PPP2R2B: variants seen among roughly 807,000 people sequenced by gnomAD.
The protein encoded by PPP2R2B is serine/threonine-protein phosphatase 2A 55 kDa regulatory subunit B beta isoform.
A neutral mutation model predicts 46.0 loss-of-function variants in PPP2R2B; 5 were observed. That is an observed-to-expected ratio of 0.11 (90% CI 0.06 to 0.23). The LOEUF is 0.23. Ranked by LOEUF, PPP2R2B falls within the 10% of genes least tolerant of loss-of-function variation. The pLI is 1.00. For synonymous variants in PPP2R2B, 215 were observed against 206.7 expected (o/e 1.04, Z -0.34); for missense variants, 367 against 575.0 (o/e 0.64, Z 3.70).
intron 1 of PPP2R2B, among the ~76,000 whole-genome samples, chr5:147,034,613 C>G (rs2151893476): frequency 6.6e-6 from 1 of 152,098 alleles, no homozygotes; most frequent in South Asian, 2.1e-4. Context: ...TAATTTTTTC[C>G]CTATACCCTG....
At chr5:146,862,844 C>A (rs1455516605) in intron 2 of PPP2R2B, among the ~76,000 whole-genome samples, 1 of 136,856 alleles carries the variant, frequency 7.3e-6, no homozygotes. Flanking sequence ...AGGCAACCTG[C>A]TTGTCAAGTA....
intron 2 of PPP2R2B, among the ~76,000 whole-genome samples, chr5:146,765,337 C>T (rs1439726462): frequency 6.6e-6 from 1 of 152,200 alleles, no homozygotes; most frequent in African/African-American, 2.4e-5. Flanking sequence ...TTTTCAGAGT[C>T]ATTACCATTC....
chr5:146,799,197 A>C (rs1256252634), intron 2 of PPP2R2B, among the ~76,000 whole-genome samples: 1 of 152,240 alleles, frequency 6.6e-6, no homozygotes. Context: ...TTTTCTAGCG[A>C]TGAACATATT....
intron 1 of PPP2R2B, among the ~76,000 whole-genome samples, chr5:147,036,207 C>G (rs748928561): frequency 6.6e-6 from 1 of 152,132 alleles, no homozygotes; most frequent in South Asian, 2.1e-4. Flanking sequence ...TGTTGTTCCC[C>G]CAATGTGTCA....
chr5:146,620,740 CCT>C (rs948237199), intron 7 of PPP2R2B, among the ~76,000 whole-genome samples: 4 of 152,156 alleles, frequency 2.6e-5, no homozygotes, highest in Non-Finnish European at 5.9e-5. Context: ...CGTCTCTCCC[CCT>C]GAGATAGCAT....
chr5:147,077,788 A>G (rs1757834863), intron 2 of PPP2R2B, among the ~76,000 whole-genome samples: 1 of 152,162 alleles, frequency 6.6e-6, no homozygotes, highest in South Asian at 2.1e-4. Context: ...TCCAAACAAA[A>G]TAGGGATTGT....
chr5:146,785,027 G>A (rs557732098), intron 2 of PPP2R2B, among the ~76,000 whole-genome samples: 2 of 152,262 alleles, frequency 1.3e-5, no homozygotes, highest in African/African-American at 2.4e-5. Flanking sequence ...AAGTACAATC[G>A]TAGCACTCCA....
intron 5 of PPP2R2B, among the ~76,000 whole-genome samples, chr5:146,657,144 C>T (rs907813155): frequency 6.6e-6 from 1 of 152,146 alleles, no homozygotes; most frequent in African/African-American, 2.4e-5. Flanking sequence ...AAACAGGAAG[C>T]CCCTGAAGCC....
At chr5:146,672,186 GAGGAGATGTAAATTTCCC>G (rs757853702) in intron 5 of PPP2R2B, among the ~76,000 whole-genome samples, 73 of 152,308 alleles carry the variant, frequency 4.8e-4, no homozygotes, top group African/African-American at 1.4e-3. Context: ...AAGGAGGCAA[GAGGAGATGTAAATTTCCC>G]AGGGGAAGAA....
At chr5:146,645,314 C>A (rs947347735) in intron 6 of PPP2R2B, among the ~76,000 whole-genome samples, 4 of 152,098 alleles carry the variant, frequency 2.6e-5, no homozygotes, top group African/African-American at 9.7e-5. Flanking sequence ...TGATGAGACA[C>A]TGGAAATCTC....
intron 2 of PPP2R2B, among the ~76,000 whole-genome samples, chr5:146,712,262 T>C (rs917440319): frequency 6.6e-6 from 1 of 152,202 alleles, no homozygotes; most frequent in Admixed American, 6.5e-5. Flanking sequence ...CCTCCCTCCT[T>C]CTAGTTTCTG....
intron 1 of PPP2R2B, among the ~76,000 whole-genome samples, chr5:146,969,059 A>C (rs1412435385): frequency 6.6e-6 from 1 of 152,254 alleles, no homozygotes; most frequent in East Asian, 1.9e-4. Flanking sequence ...CTGGTTAGAC[A>C]TAGGCTCCTA....
chr5:146,633,797 G>A (rs979035331), intron 7 of PPP2R2B, among the ~76,000 whole-genome samples: 1 of 152,150 alleles, frequency 6.6e-6, no homozygotes, highest in Non-Finnish European at 1.5e-5. Context: ...TGGCTTGACC[G>A]GCTTCCTGCT....
chr5:146,751,831 A>G (rs1056101487), intron 2 of PPP2R2B, among the ~76,000 whole-genome samples: 6 of 152,188 alleles, frequency 3.9e-5, no homozygotes, highest in African/African-American at 1.4e-4. Context: ...GTGATGGAGC[A>G]CAACACAAAA....
chr5:146,972,346 T>C (rs911990166), intron 1 of PPP2R2B, among the ~76,000 whole-genome samples: 1 of 152,190 alleles, frequency 6.6e-6, no homozygotes, highest in Non-Finnish European at 1.5e-5. Context: ...GTGTTCATGG[T>C]AAAGTTACTC....
chr5:147,081,086 C>T (rs1028508922), exon 2 of PPP2R2B: 10 of 1,535,472 alleles, frequency 6.5e-6, no homozygotes, highest in Non-Finnish European at 7.8e-6. Flanking sequence ...TCGATAGTGC[C>T]TTTCACTTGG....
chr5:146,825,948 T>G (rs1230299273), intron 2 of PPP2R2B, among the ~76,000 whole-genome samples: 1 of 152,142 alleles, frequency 6.6e-6, no homozygotes, highest in African/African-American at 2.4e-5. Context: ...AACAGGCCTA[T>G]GGGAATGAAG....
At chr5:146,838,240 G>A (rs1249719552) in intron 2 of PPP2R2B, among the ~76,000 whole-genome samples, 1 of 152,100 alleles carries the variant, frequency 6.6e-6, no homozygotes, top group Non-Finnish European at 1.5e-5. Flanking sequence ...AGAGAAATGT[G>A]AAATACAGGG....
At chr5:146,683,592 C>A (rs1263529086) in intron 5 of PPP2R2B, among the ~76,000 whole-genome samples, 1 of 152,186 alleles carries the variant, frequency 6.6e-6, no homozygotes, top group African/African-American at 2.4e-5. Context: ...TTAATTCCAA[C>A]TGAAGTAGTT....
Sources: allele counts gnomAD v4.1 joint callset (sites outside exome capture counted in the v4.1 genomes callset), GRCh38; gene constraint gnomAD v4.1.1; transcripts MANE v1.5; gene names NCBI Gene and HGNC (gene_info 2026-07-23, HGNC 2026-07-21).